The following ZFAND3 variants were observed in gnomAD, a reference collection of about 807,000 sequenced individuals.
ZFAND3 encodes the protein zinc finger AN1-type containing 3, also known as AN1-type zinc finger protein 3.
ZFAND3 carries 10 observed loss-of-function variants against 29.6 expected under a neutral mutation model. The ratio of observed to expected loss-of-function variants is 0.34; its 90% CI spans 0.21 to 0.57. The LOEUF is 0.57. Ranked by LOEUF, ZFAND3 falls within the 20% of genes least tolerant of loss-of-function variation. The pLI, the probability that ZFAND3 is intolerant of heterozygous loss-of-function variation, is 0.86. For synonymous variants in ZFAND3, 128 were observed against 112.6 expected (o/e 1.14, Z -0.87); for missense variants, 230 against 304.5 (o/e 0.76, Z 1.82).
chr6:37,906,097 C>G (rs973614727), intron 1 of ZFAND3, among the ~76,000 whole-genome samples: 1 of 152,046 alleles, frequency 6.6e-6, no homozygotes, highest in African/African-American at 2.4e-5. Context: ...GTAAATCATT[C>G]AGTGGTGTTT....
intron 2 of ZFAND3, among the ~76,000 whole-genome samples, chr6:37,964,087 C>T (rs1269328715): frequency 1.3e-5 from 2 of 151,992 alleles, no homozygotes; most frequent in African/African-American, 2.4e-5. Context: ...TCAGGTTTTC[C>T]TTGTCCTCCC....
chr6:37,848,461 T>G (rs1764221984), intron 1 of ZFAND3, among the ~76,000 whole-genome samples: 1 of 152,246 alleles, frequency 6.6e-6, no homozygotes, highest in African/African-American at 2.4e-5. Context: ...TGGAGAATCA[T>G]TAGATTCCTG....
At chr6:37,884,703 A>G (rs1273583813) in intron 1 of ZFAND3, among the ~76,000 whole-genome samples, 1 of 121,882 alleles carries the variant, frequency 8.2e-6, no homozygotes, top group Non-Finnish European at 1.6e-5. Context: ...CAACAAGTAC[A>G]TTAGATTGTA....
In ZFAND3 at chr6:37,909,342, C is replaced by T. The variant is rs917918061; in HGVS notation, c.72-20617C>T. On this transcript the variant is annotated intron_variant, in intron 1 of 5. Coordinates refer to ENST00000287218, the MANE Select transcript of ZFAND3 (RefSeq NM_021943.3). ...TCGCACAGGCTGGAGTGCAGTGGTA[C>T]GATCTTAGCTCACTGCATCCTCCGC... 6.7e-5 allele frequency among the ~76,000 whole-genome samples: 10 copies of T among 149,146 alleles called. No homozygotes were observed. In the Admixed American group the frequency reaches 6.7e-4, roughly 10 times the overall value.
chr6:37,844,437 A>G (rs1446894587), intron 1 of ZFAND3, among the ~76,000 whole-genome samples: 1 of 151,286 alleles, frequency 6.6e-6, no homozygotes, highest in African/African-American at 2.4e-5. Flanking sequence ...GCCCGCCACC[A>G]CACCCGGCTA....
At chr6:37,849,122 A>G (rs1296591883) in intron 1 of ZFAND3, among the ~76,000 whole-genome samples, 2 of 152,148 alleles carry the variant, frequency 1.3e-5, no homozygotes, top group East Asian at 3.8e-4. Flanking sequence ...ATTAGTTTGG[A>G]TTCTATATTC....
intron 2 of ZFAND3, among the ~76,000 whole-genome samples, chr6:37,987,358 T>C (rs551363236): frequency 1.2e-4 from 19 of 152,356 alleles, no homozygotes; most frequent in African/African-American, 4.3e-4. Context: ...TTTCTTTCAA[T>C]TGGTGAGTAT....
chr6:37,830,790 C>T (rs1372086757), intron 1 of ZFAND3, among the ~76,000 whole-genome samples: 4 of 151,740 alleles, frequency 2.6e-5, no homozygotes, highest in Non-Finnish European at 4.4e-5. Context: ...TCTTGCCCAT[C>T]GTCTGTTTAA....
chr6:37,929,956 C>T lies in ZFAND3; in HGVS notation c.72-3C>T. 6.3e-7 allele frequency: 1 copy of T among 1,592,986 alleles called. No homozygotes were observed. The highest frequency in any genetic ancestry group is 8.5e-7 in the Non-Finnish European group (1 of 1,171,350). ...TTCTTTCTTTTCTTTTTGTTTGCCCCAGGTCCAGCAAGACTATGAATCTCT... is the reference window on the plus strand; with the variant it reads ...TTCTTTCTTTTCTTTTTGTTTGCCCTAGGTCCAGCAAGACTATGAATCTCT... On this transcript the variant is annotated splice_polypyrimidine_tract_variant and splice_region_variant and intron_variant, in intron 1 of 5. Transcript: ENST00000287218.
At chr6:37,833,671 C>G (rs1263215146) in intron 1 of ZFAND3, among the ~76,000 whole-genome samples, 1 of 151,666 alleles carries the variant, frequency 6.6e-6, no homozygotes, top group Admixed American at 6.6e-5. Context: ...CTAAAAAATA[C>G]AAAAATTAGC....
At chr6:38,110,271 A>G (rs1188565247) in intron 4 of ZFAND3, among the ~76,000 whole-genome samples, 1 of 152,198 alleles carries the variant, frequency 6.6e-6, no homozygotes, top group Non-Finnish European at 1.5e-5. Flanking sequence ...ACATTAAGAA[A>G]GGAAGGGAAA....
chr6:38,151,450 G>A (rs1044531183), intron 5 of ZFAND3, among the ~76,000 whole-genome samples: 17 of 151,832 alleles, frequency 1.1e-4, no homozygotes, highest in African/African-American at 3.4e-4. Flanking sequence ...CTGGGGGTCC[G>A]AGTGTGGGCA....
At chr6:37,863,707 T>A (rs1764535720) in intron 1 of ZFAND3, among the ~76,000 whole-genome samples, 1 of 152,274 alleles carries the variant, frequency 6.6e-6, no homozygotes, top group East Asian at 1.9e-4. Flanking sequence ...TCCACTTAAT[T>A]AGGACCAGGC....
chr6:38,145,011 A>G (rs1766074590), intron 5 of ZFAND3, among the ~76,000 whole-genome samples: 1 of 152,214 alleles, frequency 6.6e-6, no homozygotes, highest in East Asian at 1.9e-4. Flanking sequence ...AGGGCAGTTC[A>G]ACACCTGCCC....
intron 1 of ZFAND3, among the ~76,000 whole-genome samples, chr6:37,920,000 G>A (rs1234528908): frequency 6.7e-6 from 1 of 149,288 alleles, no homozygotes; most frequent in Non-Finnish European, 1.5e-5. Flanking sequence ...CTTTCCCTGG[G>A]CATGACTGCA....
chr6:37,849,555 C>T (rs79699954), intron 1 of ZFAND3, among the ~76,000 whole-genome samples: 1 of 151,908 alleles, frequency 6.6e-6, no homozygotes, highest in Non-Finnish European at 1.5e-5. Flanking sequence ...ATTACAGGCA[C>T]CCACCACTAT....
chr6:38,061,247 T>C (rs1297126092), intron 2 of ZFAND3, among the ~76,000 whole-genome samples: 1 of 152,220 alleles, frequency 6.6e-6, no homozygotes, highest in Non-Finnish European at 1.5e-5. Flanking sequence ...CCTTTTTCCT[T>C]ATGACCTTTC....
intron 4 of ZFAND3, among the ~76,000 whole-genome samples, chr6:38,091,584 A>G (rs1188478908): frequency 6.6e-6 from 1 of 150,586 alleles, no homozygotes; most frequent in Non-Finnish European, 1.5e-5. Flanking sequence ...GCATGTTAGA[A>G]ACGCAGCCTT....
chr6:37,857,054 C>A (rs1288442441), intron 1 of ZFAND3, among the ~76,000 whole-genome samples: 2 of 152,036 alleles, frequency 1.3e-5, no homozygotes, highest in African/African-American at 4.8e-5. Context: ...GCAATCCTCC[C>A]ACTTCAGCCT....
Sources: gnomAD v4.1 joint callset for allele counts (sites outside exome capture counted in the v4.1 genomes callset) on GRCh38, gnomAD v4.1.1 for gene constraint, MANE v1.5 for transcripts, NCBI Gene and HGNC (gene_info 2026-07-23, HGNC 2026-07-21) for gene names.